Variants in VPS53 observed in about 807,000 individuals in gnomAD.
VPS53 encodes VPS53 subunit of GARP complex.
Under a neutral mutation model 107.0 loss-of-function variants are expected in VPS53, and 70 were observed. The ratio of observed to expected loss-of-function variants is 0.65; its 90% CI spans 0.54 to 0.80. The LOEUF (loss-of-function observed/expected upper bound fraction) is 0.80. Ranked by LOEUF, VPS53 falls within the 30% of genes least tolerant of loss-of-function variation. The pLI, the probability that VPS53 is intolerant of heterozygous loss-of-function variation, is 0.00. For missense variants in VPS53, 917 were observed against 1,049.4 expected (o/e 0.87, Z 1.74); for synonymous variants, 409 against 393.3 (o/e 1.04, Z -0.47).
At chr17:688,477 C>T (rs1159883807) in intron 4 of VPS53, among the ~76,000 whole-genome samples, 4 of 152,126 alleles carry the variant, frequency 2.6e-5, no homozygotes, top group African/African-American at 7.2e-5. Context: ...AGTGTGAGAA[C>T]GGACTAATAC....
At chr17:658,690 C>A (rs71206090) in intron 5 of VPS53, among the ~76,000 whole-genome samples, 5 of 134,208 alleles carry the variant, frequency 3.7e-5, no homozygotes, top group Admixed American at 1.5e-4. Flanking sequence ...TGAAGTGAGA[C>A]ACTCGGCCGT....
At chr17:553,722 T>C (rs1307829180) in intron 15 of VPS53, among the ~76,000 whole-genome samples, 2 of 151,548 alleles carry the variant, frequency 1.3e-5, no homozygotes, top group Non-Finnish European at 2.9e-5. Context: ...AGGCGTGCGC[T>C]ACCACACCCG....
At chr17:593,182 G>A (rs1340375590) in intron 12 of VPS53, among the ~76,000 whole-genome samples, 2 of 151,930 alleles carry the variant, frequency 1.3e-5, no homozygotes, top group African/African-American at 2.4e-5. Flanking sequence ...AGACTTAAAC[G>A]TTAGACCTAA....
intron 13 of VPS53, among the ~76,000 whole-genome samples, chr17:571,542 T>TCCCCCTCCCTACGGTCTCCCTCA: frequency 7.6e-6 from 1 of 130,876 alleles, no homozygotes; most frequent in Non-Finnish European, 1.7e-5. Flanking sequence ...GGTCTCCCTC[T>TCCCCCTCCCTACGGTCTCCCTCA]CCCCACGGTC....
chr17:612,179 TCACA>T (rs904271772), intron 11 of VPS53, among the ~76,000 whole-genome samples: 6 of 148,222 alleles, frequency 4.0e-5, no homozygotes, highest in Admixed American at 2.7e-4. Flanking sequence ...CATAGTGAGT[TCACA>T]CAGTGAAAAC....
rs1908341957 is a variant in VPS53 at position 516,742 on chromosome 17, G to C, written c.*2386C>G. ...AAACACAGCGTCTCTACACAGTACT[G>C]AGTCCCCATCAAGGAGACATTTAAC... On this transcript the variant is annotated 3_prime_UTR_variant, in exon 22 of 22. Coordinates refer to ENST00000437048, the MANE Select transcript of VPS53 (RefSeq NM_001128159.3). The C allele has an allele frequency of 6.6e-6, 1 of 152,180 alleles. No homozygotes were observed. The highest frequency in any genetic ancestry group is 1.5e-5 in the Non-Finnish European group (1 of 68,050). The allele number at this position is 152,180 out of a possible 1,614,324, so 9.4% of individuals were successfully genotyped here. A position where few individuals can be genotyped will look rare whatever the true frequency, so the allele number is the denominator to read the frequency against.
At chr17:645,947 A>G (rs1406039832) in intron 7 of VPS53, among the ~76,000 whole-genome samples, 9 of 133,388 alleles carry the variant, frequency 6.7e-5, no homozygotes, top group Non-Finnish European at 8.2e-5. Context: ...GCTCCCACAC[A>G]CATCTCCGTG....
intron 5 of VPS53, chr17:657,443 G>T: frequency 1.0e-6 from 1 of 982,552 alleles, no homozygotes; most frequent in Non-Finnish European, 1.6e-6. Flanking sequence ...TCAACTTGTG[G>T]GGACTGGTGG....
At chr17:643,627 A>G (rs1218486891) in intron 7 of VPS53, among the ~76,000 whole-genome samples, 1 of 151,396 alleles carries the variant, frequency 6.6e-6, no homozygotes, top group Non-Finnish European at 1.5e-5. Flanking sequence ...TTGGAAACCG[A>G]GGACAACACT....
intron 7 of VPS53, among the ~76,000 whole-genome samples, chr17:637,489 C>T (rs1345324223): frequency 2.0e-5 from 3 of 152,020 alleles, no homozygotes; most frequent in Non-Finnish European, 4.4e-5. Flanking sequence ...CTTGCTTCTA[C>T]AGTTATTTTA....
chr17:536,756 G>A (rs1391236014), intron 18 of VPS53: 5 of 400,688 alleles, frequency 1.2e-5, no homozygotes, highest in Non-Finnish European at 1.4e-5. Flanking sequence ...ACACGTCACT[G>A]TACATTTGTC....
At chr17:674,441 T>C (rs1972077196) in intron 4 of VPS53, 1 of 152,262 alleles carries the variant, frequency 6.6e-6, no homozygotes, top group African/African-American at 2.4e-5. Context: ...AGCTGACTTT[T>C]TGAGACACCT....
Position 552,064 on chromosome 17 carries a change from G to A in VPS53, c.1788-114C>T. The A allele has an allele frequency of 3.0e-6, 3 of 992,696 alleles. No homozygotes were observed. In the South Asian group the frequency reaches 4.9e-5, roughly 16 times the overall value. The allele number at this position is 992,696 out of a possible 1,614,324, so 61.5% of individuals were successfully genotyped here. A position where few individuals can be genotyped will look rare whatever the true frequency, so the allele number is the denominator to read the frequency against. On this transcript the variant is annotated intron_variant, in intron 16 of 21. Transcript: ENST00000437048. ...TCATCATTTCACTGGCAAAGTTTGA[G>A]CTTTAATTAATGACAGCGGAGGAAC... is the stretch of plus-strand genomic sequence containing the variant.
At chr17:535,930 A>C (rs575134270) in intron 18 of VPS53, among the ~76,000 whole-genome samples, 1 of 152,248 alleles carries the variant, frequency 6.6e-6, no homozygotes. Flanking sequence ...TGGAGTCCTG[A>C]ATCACCAGCT....
Position 631,580 on chromosome 17 carries a change from A to C in VPS53, c.657T>G (p.Phe219Leu). Residue 219 changes from phenylalanine to leucine, a missense_variant, in exon 8 of 22, where the codon TTT becomes TTG. Coordinates refer to ENST00000437048, the MANE Select transcript of VPS53 (RefSeq NM_001128159.3). ...TGCCCTGGGAAGGAAACGCTTCTTC[A>C]AAATCTGCCAGGATTTGCTGTCCTA... ...TELGQQILAD[F>L]EEAFPSQGTK... 6.2e-7 allele frequency: 1 copy of C among 1,614,126 alleles called. No individual in the cohort carries two copies. The highest frequency in any genetic ancestry group is 8.5e-7 in the Non-Finnish European group (1 of 1,180,008).
intron 13 of VPS53, among the ~76,000 whole-genome samples, chr17:575,011 G>A (rs1052937861): frequency 6.6e-6 from 1 of 152,214 alleles, no homozygotes; most frequent in African/African-American, 2.4e-5. Context: ...AGAGGCAGAA[G>A]TCCCCACTGT....
At chr17:666,478 A>G (rs979163480) in intron 4 of VPS53, among the ~76,000 whole-genome samples, 1 of 152,178 alleles carries the variant, frequency 6.6e-6, no homozygotes, top group African/African-American at 2.4e-5. Flanking sequence ...AGCCTGACCA[A>G]TATGATGAAA....
chr17:595,735 G>C (rs555197462), intron 12 of VPS53, among the ~76,000 whole-genome samples: 219 of 135,388 alleles, frequency 1.6e-3, no homozygotes, highest in Non-Finnish European at 2.3e-3. Flanking sequence ...TTCCTGGTTT[G>C]ATGATGCACT....
At chr17:577,137 T>C (rs1015466023) in intron 13 of VPS53, among the ~76,000 whole-genome samples, 5 of 147,496 alleles carry the variant, frequency 3.4e-5, no homozygotes, top group South Asian at 2.2e-4. Context: ...TCAGACCTAA[T>C]GCTTTCCCAG....
Sources: gnomAD v4.1 joint callset for allele counts (sites outside exome capture counted in the v4.1 genomes callset) on GRCh38, gnomAD v4.1.1 for gene constraint, MANE v1.5 for transcripts, NCBI Gene and HGNC (gene_info 2026-07-23, HGNC 2026-07-21) for gene names.